Variants in MAP3K1 observed in about 807,000 individuals in gnomAD.
MAP3K1 encodes the protein MAP/ERK kinase kinase 1.
MAP3K1 carries 36 observed loss-of-function variants against 144.2 expected under a neutral mutation model. That is an observed-to-expected ratio of 0.25 (90% CI 0.19 to 0.33). The LOEUF (loss-of-function observed/expected upper bound fraction) is 0.33, where lower values mean the gene tolerates loss of function less well. Among genes scored for constraint, MAP3K1 ranks in the 10% least tolerant of loss-of-function variants. The probability of loss-of-function intolerance (pLI) is 1.00; values close to 1 mark genes in which losing one functional copy is unlikely to be tolerated. For missense variants in MAP3K1, 1,650 were observed against 1,881.9 expected (o/e 0.88, Z 2.28); for synonymous variants, 718 against 688.7 (o/e 1.04, Z -0.67).
chr5:56,892,833 T>A (rs1036483641), intron 19 of MAP3K1, among the ~76,000 whole-genome samples: 6 of 152,150 alleles, frequency 3.9e-5, no homozygotes, highest in African/African-American at 1.2e-4. Flanking sequence ...TACTTTTTTT[T>A]ATATATGACT....
chr5:56,856,824 C>T, intron 2 of MAP3K1, 74 bp downstream of exon 2: 2 of 1,451,850 alleles, frequency 1.4e-6, no homozygotes, highest in South Asian at 2.3e-5. Context: ...TAAATAGATC[C>T]TCTTGTAAGC....
intron 1 of MAP3K1, chr5:56,816,995 GGGTGCAGTGCTTCCTGCTC>G: frequency 1.2e-6 from 1 of 859,690 alleles, no homozygotes; most frequent in Non-Finnish European, 1.4e-6. Context: ...ACTGCGGCGC[GGGTGCAGTGCTTCCTGCTC>G]GGTGCCCTGG....
intron 6 of MAP3K1, among the ~76,000 whole-genome samples, chr5:56,867,150 A>G (rs73759244): frequency 0.021 from 3,163 of 152,286 alleles, 108 homozygotes; most frequent in African/African-American, 0.073. Context: ...CTTTTGAGTG[A>G]CATTTCTGTA....
At chr5:56,865,159 A>C (rs1336245168) in intron 4 of MAP3K1, among the ~76,000 whole-genome samples, 181 bp from the exon 5 acceptor site, 1 of 152,220 alleles carries the variant, frequency 6.6e-6, no homozygotes, top group Non-Finnish European at 1.5e-5. Flanking sequence ...AAATTCAGTG[A>C]AAATGAAAGA....
In MAP3K1 at chr5:56,864,714, T is replaced by C. The variant is rs375849211; in HGVS notation, c.835-20T>C. 2.6e-5 allele frequency: 41 copies of C among 1,595,840 alleles called. No individual in the cohort carries two copies. Among genetic ancestry groups the C allele is most frequent in the Non-Finnish European group, 3.5e-5 (41 of 1,164,804 alleles). On this transcript the variant is annotated intron_variant, in intron 3 of 19. Transcript: ENST00000399503. Reference sequence around the variant, plus strand: ...ATTAAGAAATGAGAAACGTACCTAATAAAAAAAAATGTTGTGAAGTTTCAG... The same window carrying C: ...ATTAAGAAATGAGAAACGTACCTAACAAAAAAAAATGTTGTGAAGTTTCAG...
chr5:56,833,867 G>A (rs1405221234), intron 1 of MAP3K1, among the ~76,000 whole-genome samples: 1 of 151,986 alleles, frequency 6.6e-6, no homozygotes, highest in Admixed American at 6.5e-5. Flanking sequence ...GTTACTGGTG[G>A]TTGTTCTTTA....
intron 1 of MAP3K1, among the ~76,000 whole-genome samples, chr5:56,816,401 CG>C (rs1041879441): frequency 4.0e-5 from 6 of 151,894 alleles, no homozygotes; most frequent in Admixed American, 1.3e-4. Flanking sequence ...AGCCCGGGGG[CG>C]GGGCACGGCC....
rs113995670 is a variant in MAP3K1 at position 56,827,592 on chromosome 5, C to T, written c.482+11537C>T. On this transcript the variant is annotated intron_variant, in intron 1 of 19. Transcript: ENST00000399503. ...TAAGAACCTGGGCCTTGCTGGGTGC[C>T]GTGGCTCACGCCCGTAATCCCAGTA... Among the ~76,000 whole-genome samples, 334 of 152,134 alleles carry T rather than the reference C, an allele frequency of 2.2e-3. 2 individuals are homozygous for T. Among genetic ancestry groups the T allele is most frequent in the African/African-American group, 7.6e-3 (317 of 41,520 alleles).
At chr5:56,876,760 T>C (rs144396792) in intron 10 of MAP3K1, among the ~76,000 whole-genome samples, 1 of 152,224 alleles carries the variant, frequency 6.6e-6, no homozygotes, top group South Asian at 2.1e-4. Context: ...GAAATTAGAT[T>C]ATGTAGAAAC....
At chr5:56,881,409 T>G in intron 13 of MAP3K1, 137 bp downstream of exon 13, 2 of 992,494 alleles carry the variant, frequency 2.0e-6, no homozygotes. Flanking sequence ...GATTGACATA[T>G]GAAAACCCAA....
intron 1 of MAP3K1, among the ~76,000 whole-genome samples, chr5:56,855,113 CCCT>C (rs1747298004): frequency 6.6e-6 from 1 of 151,978 alleles, no homozygotes; most frequent in South Asian, 2.1e-4. Context: ...GCCTTCCTCT[CCCT>C]CCTCCTTTTT....
At chr5:56,858,014 T>C (rs985109607) in intron 2 of MAP3K1, among the ~76,000 whole-genome samples, 10 of 152,234 alleles carry the variant, frequency 6.6e-5, no homozygotes, top group Admixed American at 2.6e-4. Context: ...TGAGGTGGTA[T>C]GGTGGGAACC....
At position 56,894,390 on chromosome 5, in the gene MAP3K1, T is replaced by G. The variant is rs556410233; in HGVS notation, c.*710T>G. On this transcript the variant is annotated 3_prime_UTR_variant, in exon 20 of 20. Coordinates refer to ENST00000399503, the MANE Select transcript of MAP3K1 (RefSeq NM_005921.2). ...AACCAGAAAAAAAAAATGAACTAGA[T>G]ATGAAGTAGAGTTCATTAAATATCT... The G allele has an allele frequency of 3.0e-5, 7 of 232,570 alleles. No homozygotes were observed. In the East Asian group the frequency reaches 4.3e-4, roughly 14 times the overall value. The allele number at this position is 232,570 out of a possible 1,614,324, so 14.4% of individuals were successfully genotyped here. A position where few individuals can be genotyped will look rare whatever the true frequency, so the allele number is the denominator to read the frequency against.
At chr5:56,828,316 T>G (rs1218753665) in intron 1 of MAP3K1, among the ~76,000 whole-genome samples, 1 of 152,202 alleles carries the variant, frequency 6.6e-6, no homozygotes, top group African/African-American at 2.4e-5. Context: ...TTTCTTGGTC[T>G]TCTTTTCTCA....
rs1215384008 is a variant in MAP3K1 at position 56,895,843 on chromosome 5, G to A, written c.*2163G>A. ...TATTCCAGTTTCTACTACCTCAGGTGTCCTATAGATTTTTCTTCTACCAAA... is the reference window on the plus strand; with the variant it reads ...TATTCCAGTTTCTACTACCTCAGGTATCCTATAGATTTTTCTTCTACCAAA... On this transcript the variant is annotated 3_prime_UTR_variant, in exon 20 of 20. Transcript: ENST00000399503. The A allele has an allele frequency of 3.5e-5, 8 of 231,278 alleles. No homozygotes were observed. The highest frequency in any genetic ancestry group is 2.8e-4 in the Admixed American group (5 of 17,734). 14.3% of individuals were successfully genotyped at this position (231,278 alleles called of 1,614,324 possible). A position where few individuals can be genotyped will look rare whatever the true frequency, so the allele number is the denominator to read the frequency against.
intron 1 of MAP3K1, among the ~76,000 whole-genome samples, chr5:56,843,124 G>C (rs1561173209): frequency 6.6e-6 from 1 of 152,196 alleles, no homozygotes; most frequent in Non-Finnish European, 1.5e-5. Context: ...TTTGATAGAA[G>C]CTACCTGGAT....
chr5:56,827,612 C>T (rs1746357910), intron 1 of MAP3K1, among the ~76,000 whole-genome samples: 1 of 152,160 alleles, frequency 6.6e-6, no homozygotes, highest in Non-Finnish European at 1.5e-5. Context: ...GCCCGTAATC[C>T]CAGTACTTTG....
At chr5:56,845,479 T>TC (rs1746961519) in intron 1 of MAP3K1, among the ~76,000 whole-genome samples, 1 of 151,748 alleles carries the variant, frequency 6.6e-6, no homozygotes, top group African/African-American at 2.4e-5. Context: ...AGAACACCCC[T>TC]CCCCCCACAG....
chr5:56,871,138 G>A (rs1419430438), intron 6 of MAP3K1, among the ~76,000 whole-genome samples: 1 of 151,964 alleles, frequency 6.6e-6, no homozygotes, highest in Non-Finnish European at 1.5e-5. Flanking sequence ...TAACCATTAT[G>A]TTGCGATTTT....
Sources: gnomAD v4.1 joint callset for allele counts (sites outside exome capture counted in the v4.1 genomes callset) on GRCh38, gnomAD v4.1.1 for gene constraint, MANE v1.5 for transcripts, NCBI Gene and HGNC (gene_info 2026-07-23, HGNC 2026-07-21) for gene names.